Variants in YTHDC2 observed in about 807,000 individuals in gnomAD.
YTHDC2 encodes 3'-5' RNA helicase YTHDC2.
Under a neutral mutation model 174.9 loss-of-function variants are expected in YTHDC2, and 45 were observed. The observed-to-expected ratio is 0.26, with a 90% confidence interval of 0.20 to 0.33. The LOEUF (loss-of-function observed/expected upper bound fraction) is 0.33. Among genes scored for constraint, YTHDC2 ranks in the 10% least tolerant of loss-of-function variants. The pLI is 1.00. For missense variants in YTHDC2, 1,650 were observed against 1,723.7 expected (o/e 0.96, Z 0.76); for synonymous variants, 657 against 574.5 (o/e 1.14, Z -2.05).
chr5:113,569,039 A>G (rs1294112850), intron 23 of YTHDC2, among the ~76,000 whole-genome samples: 1 of 151,998 alleles, frequency 6.6e-6, no homozygotes, highest in African/African-American at 2.4e-5. Context: ...TTGTTTTTTG[A>G]CTTTTTAATA....
intron 4 of YTHDC2, among the ~76,000 whole-genome samples, chr5:113,528,843 T>C (rs1370100724): frequency 1.3e-5 from 2 of 152,210 alleles, no homozygotes; most frequent in Admixed American, 6.5e-5. Flanking sequence ...CCTGCCACCC[T>C]GTGTCACTGC....
At chr5:113,553,511 T>C in intron 13 of YTHDC2, 79 bp from the exon 14 acceptor site, 1 of 1,509,970 alleles carries the variant, frequency 6.6e-7, no homozygotes, top group East Asian at 2.3e-5. Context: ...TGAAAACATG[T>C]GATACAGATT....
intron 23 of YTHDC2, 108 bp downstream of exon 23, chr5:113,567,957 A>T: frequency 1.2e-6 from 1 of 856,778 alleles, no homozygotes; most frequent in Non-Finnish European, 1.7e-6. Flanking sequence ...AGATTTATAT[A>T]GTAGCAGCTC....
chr5:113,556,376 CAA>C (rs1436184297), intron 17 of YTHDC2: 3 of 285,384 alleles, frequency 1.1e-5, no homozygotes, highest in Admixed American at 1.0e-4. Flanking sequence ...GCTTAAAAAA[CAA>C]AACCAAAAAT....
At position 113,563,464 on chromosome 5, in the gene YTHDC2, T is replaced by C. The variant is rs1777138225; in HGVS notation, c.2414T>C (p.Ile805Thr). 6.2e-7 allele frequency: 1 copy of C among 1,610,250 alleles called. No individual in the cohort carries two copies. The highest frequency in any genetic ancestry group is 2.2e-5 in the East Asian group (1 of 44,778). The change falls in exon 19 of 30, where the codon ATT (isoleucine) becomes ACT (threonine). Residue 805 changes from isoleucine to threonine, a missense_variant. Ile to Thr is a moderately conservative substitution (Grantham distance 89). Transcript: ENST00000161863. ...GCTCCTGAACCTCCACCAGCTTTAA[T>C]TGTAAGAAATGCTGTACAAATGCTT... ...MKAPEPPPAL[I>T]VRNAVQMLKT... is the part of the protein sequence containing the mutation.
At chr5:113,538,893 G>A (rs889598934) in intron 7 of YTHDC2, among the ~76,000 whole-genome samples, 181 bp from the exon 8 acceptor site, 6 of 152,128 alleles carry the variant, frequency 3.9e-5, no homozygotes, top group Admixed American at 1.3e-4. Flanking sequence ...CACACAAACA[G>A]TTGTCTAATA....
chr5:113,576,067 C>T (rs947654215), intron 23 of YTHDC2, among the ~76,000 whole-genome samples: 2 of 146,662 alleles, frequency 1.4e-5, no homozygotes, highest in Non-Finnish European at 3.0e-5. Flanking sequence ...TCTTTTTAGA[C>T]ATGTTAAGTT....
At chr5:113,529,191 T>C (rs113860290) in intron 4 of YTHDC2, among the ~76,000 whole-genome samples, 4,786 of 152,320 alleles carry the variant, frequency 0.031, 96 homozygotes, top group African/African-American at 0.054. Flanking sequence ...AGTTGTCTCA[T>C]TTCAGCTTCT....
At chr5:113,530,350 C>G (rs1410856149) in intron 4 of YTHDC2, among the ~76,000 whole-genome samples, 2 of 151,880 alleles carry the variant, frequency 1.3e-5, no homozygotes, top group East Asian at 3.8e-4. Context: ...TATCTTTAAT[C>G]TCATTATCTC....
chr5:113,562,317 A>G (rs1341328262), intron 18 of YTHDC2, among the ~76,000 whole-genome samples: 1 of 147,660 alleles, frequency 6.8e-6, no homozygotes, highest in Non-Finnish European at 1.5e-5. Context: ...TTCATGGAAC[A>G]GCCAGACCCT....
chr5:113,557,709 A>G (rs1221818991), intron 17 of YTHDC2, among the ~76,000 whole-genome samples: 2 of 152,170 alleles, frequency 1.3e-5, no homozygotes, highest in East Asian at 1.9e-4. Context: ...TGGGAGGATC[A>G]TCTGATCCTG....
Position 113,540,537 on chromosome 5 carries a change from A to C in YTHDC2, c.1211-431A>C, listed in dbSNP as rs143590878. Among the ~76,000 whole-genome samples, 976 of 152,302 alleles carry C rather than the reference A, an allele frequency of 6.4e-3. 10 individuals carry two copies. Among genetic ancestry groups the C allele is most frequent in the Admixed American group, 0.015 (222 of 15,300 alleles). On this transcript the variant is annotated intron_variant, in intron 8 of 29. Transcript: ENST00000161863. ...TTAGTCATGATGGAAGGCAAAGGGG[A>C]AGCAAGGACCTTCTTTACATGGCAG... is the stretch of plus-strand genomic sequence containing the variant.
Position 113,514,178 on chromosome 5 carries a change from C to T in YTHDC2, c.187+96C>T, listed in dbSNP as rs1245713869. On this transcript the variant is annotated intron_variant, in intron 1 of 29. Coordinates refer to ENST00000161863, the MANE Select transcript of YTHDC2 (RefSeq NM_022828.5). ...GCCCACCGAGTGATGGGGGTGCCTC[C>T]GAAGAGGGAGGGAAGACCCGGGCCA... 7.5e-6 allele frequency: 11 copies of T among 1,457,398 alleles called. No homozygotes were observed. The Admixed American group carries it at 2.0e-4, about 26-fold the overall frequency. 90.3% of individuals were successfully genotyped at this position (1,457,398 alleles called of 1,614,324 possible). A position where few individuals can be genotyped will look rare whatever the true frequency, so the allele number is the denominator to read the frequency against.
chr5:113,589,120 C>G (rs1213385638), intron 26 of YTHDC2, among the ~76,000 whole-genome samples: 1 of 151,550 alleles, frequency 6.6e-6, no homozygotes, highest in Non-Finnish European at 1.5e-5. Flanking sequence ...TATGTTAATA[C>G]GAATGTCCAT....
intron 8 of YTHDC2, among the ~76,000 whole-genome samples, chr5:113,540,640 A>C (rs1775389873): frequency 6.6e-6 from 1 of 152,194 alleles, no homozygotes. Flanking sequence ...CACTATCATG[A>C]GAACAGCATG....
intron 4 of YTHDC2, 48 bp from the exon 5 acceptor site, chr5:113,532,831 G>T: frequency 1.3e-6 from 2 of 1,524,850 alleles, no homozygotes; most frequent in Admixed American, 2.0e-5. Context: ...TAGATTTTTT[G>T]TATTATGTGA....
chr5:113,554,688 G>GA (rs1776482018), intron 16 of YTHDC2, among the ~76,000 whole-genome samples: 2 of 151,204 alleles, frequency 1.3e-5, no homozygotes, highest in Non-Finnish European at 1.5e-5. Flanking sequence ...CCCTCTCAAA[G>GA]CCTAAAATAT....
At chr5:113,569,144 A>C (rs1027647456) in intron 23 of YTHDC2, among the ~76,000 whole-genome samples, 3 of 152,080 alleles carry the variant, frequency 2.0e-5, no homozygotes, top group Admixed American at 1.3e-4. Context: ...CCACATGTAC[A>C]TCTTTTGAAA....
intron 2 of YTHDC2, among the ~76,000 whole-genome samples, chr5:113,523,574 G>A (rs1359150206): frequency 2.6e-5 from 4 of 152,024 alleles, no homozygotes; most frequent in Non-Finnish European, 5.9e-5. Context: ...TCTAGATCAG[G>A]TTAAATTTTA....
Sources: gnomAD v4.1 joint callset for allele counts (sites outside exome capture counted in the v4.1 genomes callset) on GRCh38, gnomAD v4.1.1 for gene constraint, MANE v1.5 for transcripts, NCBI Gene and HGNC (gene_info 2026-07-23, HGNC 2026-07-21) for gene names.